RBFOX1: variants seen among roughly 807,000 people sequenced by gnomAD.
The protein encoded by RBFOX1 is RNA binding fox-1 homolog 1.
Under a neutral mutation model 57.7 loss-of-function variants are expected in RBFOX1, and 8 were observed. That is an observed-to-expected ratio of 0.14 (90% CI 0.08 to 0.25). The LOEUF is 0.25. Ranked by LOEUF, RBFOX1 falls within the 10% of genes least tolerant of loss-of-function variation. The pLI, the probability that RBFOX1 is intolerant of heterozygous loss-of-function variation, is 1.00. For missense variants in RBFOX1, 611 were observed against 548.5 expected, an observed-to-expected ratio of 1.11 and a Z score of -1.14; for synonymous variants, 326 against 222.4, an observed-to-expected ratio of 1.47 and a Z score of -4.15.
intron 4 of RBFOX1, among the ~76,000 whole-genome samples, chr16:7,203,268 C>G (rs1186897598): frequency 3.9e-5 from 6 of 152,094 alleles, no homozygotes; most frequent in African/African-American, 1.2e-4. Context: ...GGACATTATT[C>G]TAAGTAAAAT....
chr16:5,599,046 C>A, exon 3 of RBFOX1: 2 of 1,218,340 alleles, frequency 1.6e-6, no homozygotes, highest in Non-Finnish European at 2.3e-6. Flanking sequence ...CGTCATCAAT[C>A]ACCGGGAATG....
chr16:6,913,886 C>G (rs1306456936), intron 3 of RBFOX1, among the ~76,000 whole-genome samples: 1 of 152,174 alleles, frequency 6.6e-6, no homozygotes, highest in Non-Finnish European at 1.5e-5. Context: ...AGGTGCCAGT[C>G]TCAACTGTGT....
chr16:7,601,371 T>TTAC (rs1338660125), intron 9 of RBFOX1, among the ~76,000 whole-genome samples: 3 of 152,200 alleles, frequency 2.0e-5, no homozygotes, highest in Admixed American at 2.0e-4. Flanking sequence ...AAGATTATTT[T>TTAC]TACTACTATT....
intron 3 of RBFOX1, among the ~76,000 whole-genome samples, chr16:6,936,029 T>C (rs935752074): frequency 6.6e-6 from 1 of 152,034 alleles, no homozygotes; most frequent in African/African-American, 2.4e-5. Context: ...GGCAAGAGGG[T>C]TTCTTCTCAA....
chr16:6,785,585 C>G (rs1032772795), intron 3 of RBFOX1, among the ~76,000 whole-genome samples: 1 of 152,296 alleles, frequency 6.6e-6, no homozygotes, highest in East Asian at 1.9e-4. Flanking sequence ...GACAAGTTTT[C>G]CATTAAATAA....
chr16:7,146,762 C>G (rs939591792), intron 4 of RBFOX1, among the ~76,000 whole-genome samples: 1 of 151,240 alleles, frequency 6.6e-6, no homozygotes. Flanking sequence ...TAGCCTGGGA[C>G]ACATAGTGAG....
intron 2 of RBFOX1, among the ~76,000 whole-genome samples, chr16:6,595,575 T>G (rs2097769112): frequency 6.6e-6 from 1 of 152,326 alleles, no homozygotes; most frequent in East Asian, 1.9e-4. Context: ...GATATATACC[T>G]ACAAGTGGAA....
intron 4 of RBFOX1, among the ~76,000 whole-genome samples, chr16:7,325,521 T>G (rs992722929): frequency 6.6e-6 from 1 of 152,294 alleles, no homozygotes; most frequent in Middle Eastern, 3.4e-3. Flanking sequence ...TCATAAGAAC[T>G]TCCCATGGAA....
chr16:6,818,340 C>A (rs534783520), intron 3 of RBFOX1, among the ~76,000 whole-genome samples: 1 of 151,996 alleles, frequency 6.6e-6, no homozygotes, highest in Non-Finnish European at 1.5e-5. Context: ...GTGTGACATA[C>A]GGAGCTCACC....
chr16:6,516,829 T>C (rs2096388707), intron 2 of RBFOX1, among the ~76,000 whole-genome samples: 1 of 152,136 alleles, frequency 6.6e-6, no homozygotes. Context: ...ACACAAAACC[T>C]GCCCAGGTGT....
chr16:7,299,803 A>G (rs1214706484), intron 4 of RBFOX1, among the ~76,000 whole-genome samples: 1 of 152,352 alleles, frequency 6.6e-6, no homozygotes, highest in East Asian at 1.9e-4. Context: ...CAAGAGAACT[A>G]CAGAATTCAT....
chr16:6,100,835 G>T (rs2096297601), intron 1 of RBFOX1, among the ~76,000 whole-genome samples: 1 of 152,138 alleles, frequency 6.6e-6, no homozygotes, highest in Non-Finnish European at 1.5e-5. Flanking sequence ...AGCCTGTACT[G>T]TTACCATCAC....
At chr16:6,796,797 A>AC (rs779442372) in intron 3 of RBFOX1, among the ~76,000 whole-genome samples, 1 of 152,188 alleles carries the variant, frequency 6.6e-6, no homozygotes, top group Non-Finnish European at 1.5e-5. Context: ...TATGTCCCTC[A>AC]GTCATAAATA....
chr16:7,677,197 G>A (rs941966966), intron 14 of RBFOX1, among the ~76,000 whole-genome samples: 4 of 136,972 alleles, frequency 2.9e-5, no homozygotes, highest in Admixed American at 8.1e-5. Context: ...ATAAGACCAC[G>A]GTTTCATCTA....
Position 6,898,899 on chromosome 16 carries a change from T to TATG in RBFOX1, c.-15-153158_-15-153157insATG, listed in dbSNP as rs1567779847. ...CACGTGTATAATACGTGTGTGCATC[T>TATG]CGTATGTGTTTGTGCATATGTGTAT... On this transcript the variant is annotated intron_variant, in intron 3 of 15. Coordinates refer to ENST00000550418, the MANE Select transcript of RBFOX1 (RefSeq NM_018723.4). Among the ~76,000 whole-genome samples, 15 of 96,226 alleles carry TATG rather than the reference T, an allele frequency of 1.6e-4. No homozygotes were observed. In the East Asian group the frequency reaches 4.2e-3, roughly 27 times the overall value. The allele number at this position is 96,226 out of a possible 152,430, so 63.1% of individuals were successfully genotyped here.
intron 5 of RBFOX1, among the ~76,000 whole-genome samples, chr16:7,535,844 A>C (rs2081337001): frequency 6.6e-6 from 1 of 152,206 alleles, no homozygotes; most frequent in African/African-American, 2.4e-5. Flanking sequence ...TTTTATTCTC[A>C]GTGTTAGGCA....
At chr16:5,462,789 T>G (rs2068833170) in intron 1 of RBFOX1, among the ~76,000 whole-genome samples, 1 of 152,084 alleles carries the variant, frequency 6.6e-6, no homozygotes. Context: ...CCTTTTTGGT[T>G]GTTATAATTG....
intron 2 of RBFOX1, among the ~76,000 whole-genome samples, chr16:6,448,152 C>CTTTTT (rs200249081): frequency 5.4e-5 from 5 of 92,576 alleles, no homozygotes; most frequent in African/African-American, 8.5e-5. Flanking sequence ...CTTTTCTTTT[C>CTTTTT]TTTCTTTTTT....
chr16:5,397,826 G>T (rs1596845889), intron 1 of RBFOX1, among the ~76,000 whole-genome samples: 1 of 152,142 alleles, frequency 6.6e-6, no homozygotes, highest in African/African-American at 2.4e-5. Context: ...GGGTGATAAT[G>T]ACATGGTTGT....
Sources: allele counts gnomAD v4.1 joint callset (sites outside exome capture counted in the v4.1 genomes callset), GRCh38; gene constraint gnomAD v4.1.1; transcripts MANE v1.5; gene names NCBI Gene and HGNC (gene_info 2026-07-23, HGNC 2026-07-21).